The following RASA1 variants were observed in gnomAD, a reference collection of about 807,000 sequenced individuals.
RASA1 encodes the protein ras GTPase-activating protein 1.
RASA1 carries 25 observed loss-of-function variants against 132.2 expected under a neutral mutation model. The ratio of observed to expected loss-of-function variants is 0.19; its 90% confidence interval spans 0.14 to 0.26. The LOEUF is 0.26. Among genes scored for constraint, RASA1 ranks in the 10% least tolerant of loss-of-function variants. The probability of loss-of-function intolerance (pLI) is 1.00; values close to 1 mark genes in which losing one functional copy is unlikely to be tolerated. For missense variants in RASA1, 964 were observed against 1,299.2 expected, an observed-to-expected ratio of 0.74 and a Z score of 3.97; for synonymous variants, 477 against 449.9, an observed-to-expected ratio of 1.06 and a Z score of -0.76.
At chr5:87,287,180 A>G (rs1480734952) in intron 1 of RASA1, among the ~76,000 whole-genome samples, 1 of 147,120 alleles carries the variant, frequency 6.8e-6, no homozygotes, top group African/African-American at 2.5e-5. Context: ...CACACCATAT[A>G]TATATACACA....
chr5:87,287,941 T>C (rs912858845), intron 1 of RASA1, among the ~76,000 whole-genome samples: 1 of 131,904 alleles, frequency 7.6e-6, no homozygotes, highest in African/African-American at 3.1e-5. Context: ...ACACCATATA[T>C]ATATAACATA....
At chr5:87,339,626 GA>G (rs1758293944) in intron 5 of RASA1, among the ~76,000 whole-genome samples, 1 of 151,974 alleles carries the variant, frequency 6.6e-6, no homozygotes, top group African/African-American at 2.4e-5. Context: ...AATGTATACA[GA>G]AAAATAATAA....
intron 1 of RASA1, among the ~76,000 whole-genome samples, chr5:87,304,289 A>G (rs1755507650): frequency 6.6e-6 from 1 of 152,152 alleles, no homozygotes; most frequent in African/African-American, 2.4e-5. Context: ...TGTTTCATAT[A>G]GCCTGACATC....
chr5:87,267,961 C>A lies in RASA1; in HGVS notation c.-491C>A. The A allele has an allele frequency of 2.5e-6, 1 of 400,398 alleles. No homozygotes were observed. Among genetic ancestry groups the A allele is most frequent in the South Asian group, 1.3e-4 (1 of 7,960 alleles). 24.8% of individuals were successfully genotyped at this position (400,398 alleles called of 1,614,324 possible). ...GCCCCCCTTTCTCTTGCCCCCCCAC[C>A]CCTCTCATCTGCCTGGTGGAGGATG... On this transcript the variant is annotated 5_prime_UTR_variant, in exon 1 of 25. Transcript: ENST00000274376.
At chr5:87,307,900 G>T (rs1263581707) in intron 1 of RASA1, among the ~76,000 whole-genome samples, 2 of 152,146 alleles carry the variant, frequency 1.3e-5, no homozygotes, top group Admixed American at 6.6e-5. Flanking sequence ...ATGATCATTT[G>T]CTGTAGAGGA....
At position 87,389,304 on chromosome 5, in the gene RASA1, C is replaced by T. The variant is rs1762292667; in HGVS notation, c.2926-89C>T. On this transcript the variant is annotated intron_variant, in intron 23 of 24. Coordinates refer to ENST00000274376, the MANE Select transcript of RASA1 (RefSeq NM_002890.3). ...CGAGATCATGCCATTGCATTTCAGCCTGGGCAACAAGAGCGAAACTCTGTC... is the reference window on the plus strand; with the variant it reads ...CGAGATCATGCCATTGCATTTCAGCTTGGGCAACAAGAGCGAAACTCTGTC... 2.6e-6 allele frequency: 4 copies of T among 1,527,568 alleles called. No individual in the cohort carries two copies. The South Asian group carries it at 4.5e-5, about 17-fold the overall frequency. The allele number at this position is 1,527,568 out of a possible 1,614,324, so 94.6% of individuals were successfully genotyped here.
chr5:87,341,333 T>A lies in RASA1; in HGVS notation c.1049+12T>A. On this transcript the variant is annotated intron_variant, in intron 6 of 24. Transcript: ENST00000274376. ...CATGAAGGAAAAATGTGAGTTTGTGTTAATTATTAAAATGAAAAAAAAAAT... is the reference window on the plus strand; with the variant it reads ...CATGAAGGAAAAATGTGAGTTTGTGATAATTATTAAAATGAAAAAAAAAAT... 7.6e-7 allele frequency: 1 copy of A among 1,313,506 alleles called. No individual in the cohort carries two copies. The allele number at this position is 1,313,506 out of a possible 1,614,324, so 81.4% of individuals were successfully genotyped here.
In RASA1 at chr5:87,319,932, T is replaced by C. The variant is rs541932720; in HGVS notation, c.540-11416T>C. ...CAATTTCACACCGTCTCTTCATACATATGAGCATATACTTTTAGAAAAATA... is the reference window on the plus strand; with the variant it reads ...CAATTTCACACCGTCTCTTCATACACATGAGCATATACTTTTAGAAAAATA... On this transcript the variant is annotated intron_variant, in intron 1 of 24. Coordinates refer to ENST00000274376, the MANE Select transcript of RASA1 (RefSeq NM_002890.3). Among the ~76,000 whole-genome samples, 5 of 152,352 alleles carry C rather than the reference T, an allele frequency of 3.3e-5. No individual in the cohort carries two copies. The South Asian group carries it at 1.0e-3, about 32-fold the overall frequency.
chr5:87,322,761 CTG>C (rs1052989711), intron 1 of RASA1, among the ~76,000 whole-genome samples: 5 of 152,170 alleles, frequency 3.3e-5, no homozygotes, highest in African/African-American at 9.7e-5. Context: ...AAGCCAGGAA[CTG>C]TGGACGAAAA....
At chr5:87,289,905 G>A (rs1409859949) in intron 1 of RASA1, among the ~76,000 whole-genome samples, 1 of 151,888 alleles carries the variant, frequency 6.6e-6, no homozygotes, top group South Asian at 2.1e-4. Context: ...CACCGTGCCT[G>A]GCTTAATTTT....
intron 1 of RASA1, among the ~76,000 whole-genome samples, chr5:87,311,542 AT>A (rs1311170815): frequency 1.3e-5 from 2 of 152,222 alleles, no homozygotes; most frequent in Non-Finnish European, 2.9e-5. Flanking sequence ...AAAAAGGTGC[AT>A]AGGGCAGAGT....
chr5:87,317,572 G>A (rs1190920193), intron 1 of RASA1, among the ~76,000 whole-genome samples: 1 of 150,150 alleles, frequency 6.7e-6, no homozygotes, highest in Non-Finnish European at 1.5e-5. Context: ...CCTATCTTTT[G>A]TCTCTTCTGT....
At chr5:87,379,629 T>C in intron 18 of RASA1, 106 bp from the exon 19 acceptor site, 1 of 1,450,118 alleles carries the variant, frequency 6.9e-7, no homozygotes, top group South Asian at 1.3e-5. Flanking sequence ...CACACAGAGA[T>C]ACCGAAAAAT....
intron 22 of RASA1, 148 bp downstream of exon 22, chr5:87,385,537 C>T (rs1035039796): frequency 4.4e-6 from 3 of 685,958 alleles, no homozygotes; most frequent in Non-Finnish European, 7.5e-6. Context: ...TTTAAAGTAG[C>T]TTGTTTAAAT....
chr5:87,331,994 T>C (rs1387024989), intron 2 of RASA1, among the ~76,000 whole-genome samples: 1 of 152,136 alleles, frequency 6.6e-6, no homozygotes, highest in Non-Finnish European at 1.5e-5. Context: ...TTCATTTTTA[T>C]AGAAGAAATT....
chr5:87,300,535 C>G (rs938019103), intron 1 of RASA1, among the ~76,000 whole-genome samples: 1 of 152,066 alleles, frequency 6.6e-6, no homozygotes, highest in Non-Finnish European at 1.5e-5. Flanking sequence ...AGATGGATTA[C>G]AAGAAAGCTT....
intron 8 of RASA1, among the ~76,000 whole-genome samples, chr5:87,350,261 C>T (rs780729012): frequency 6.6e-6 from 1 of 151,696 alleles, no homozygotes; most frequent in Admixed American, 6.6e-5. Context: ...GCAGCTGTAC[C>T]CTTTTGCCTA....
chr5:87,349,113 C>A, intron 7 of RASA1, 101 bp from the exon 8 acceptor site: 1 of 1,355,732 alleles, frequency 7.4e-7, no homozygotes, highest in Non-Finnish European at 1.0e-6. Context: ...TGAAAATTTA[C>A]ATATGTTTAT....
At chr5:87,303,861 G>A (rs867133230) in intron 1 of RASA1, among the ~76,000 whole-genome samples, 20 of 143,666 alleles carry the variant, frequency 1.4e-4, no homozygotes, top group Middle Eastern at 3.7e-3. Context: ...TTTTTTTGAG[G>A]CAGAGTTTTG....
Sources: allele counts gnomAD v4.1 joint callset (sites outside exome capture counted in the v4.1 genomes callset), GRCh38; gene constraint gnomAD v4.1.1; transcripts MANE v1.5; gene names NCBI Gene and HGNC (gene_info 2026-07-23, HGNC 2026-07-21).